DAPK1: variants seen among roughly 807,000 people sequenced by gnomAD.
DAPK1 encodes the protein death associated protein kinase 1.
In DAPK1, 56 loss-of-function variants were observed where a neutral mutation model predicts 144.9. The ratio of observed to expected loss-of-function variants is 0.39; its 90% CI spans 0.31 to 0.48. DAPK1 has a LOEUF of 0.48. Ranked by LOEUF, DAPK1 falls within the 20% of genes least tolerant of loss-of-function variation. The pLI is 0.95. For missense variants in DAPK1, 1,454 were observed against 1,875.4 expected (o/e 0.78, Z 4.15); for synonymous variants, 690 against 749.0 (o/e 0.92, Z 1.29).
intron 3 of DAPK1, among the ~76,000 whole-genome samples, chr9:87,629,308 G>T (rs1829585704): frequency 6.6e-6 from 1 of 152,172 alleles, no homozygotes; most frequent in Non-Finnish European, 1.5e-5. Flanking sequence ...ACAAGCCCAG[G>T]AGCACAGAGA....
At chr9:87,623,100 A>G (rs370443177) in intron 3 of DAPK1, among the ~76,000 whole-genome samples, 273 of 152,140 alleles carry the variant, frequency 1.8e-3, no homozygotes, top group South Asian at 2.3e-3. Context: ...TGAAAGCACA[A>G]TTGTTTATTA....
intron 19 of DAPK1, among the ~76,000 whole-genome samples, chr9:87,669,396 ATC>A (rs2119280103): frequency 6.6e-6 from 1 of 152,130 alleles, no homozygotes; most frequent in East Asian, 1.9e-4. Flanking sequence ...ATAGGTAATA[ATC>A]TCTACTATGT....
Position 87,671,695 on chromosome 9 carries a change from A to G in DAPK1, c.2001+3021A>G, listed in dbSNP as rs36217075. Among the ~76,000 whole-genome samples the G allele has an allele frequency of 7.4e-3, 1,120 of 152,234 alleles. 30 individuals are homozygous for G. In the East Asian group the frequency reaches 0.076, roughly 10 times the overall value. Reference sequence around the variant, plus strand: ...CACCTGGCTAATTTTTAACATTTGTATTAGCAACTATGTCTCAATACATTG... The same window carrying G: ...CACCTGGCTAATTTTTAACATTTGTGTTAGCAACTATGTCTCAATACATTG... On this transcript the variant is annotated intron_variant, in intron 19 of 25. Coordinates refer to ENST00000408954, the MANE Select transcript of DAPK1 (RefSeq NM_004938.4).
At chr9:87,548,645 T>C (rs1020303661) in intron 2 of DAPK1, among the ~76,000 whole-genome samples, 3 of 152,144 alleles carry the variant, frequency 2.0e-5, no homozygotes, top group Admixed American at 2.0e-4. Context: ...GTTATTATTT[T>C]GTATCTTTTC....
chr9:87,559,534 T>C (rs1826833292), intron 2 of DAPK1, among the ~76,000 whole-genome samples: 1 of 152,194 alleles, frequency 6.6e-6, no homozygotes, highest in South Asian at 2.1e-4. Context: ...CCGTGACTAG[T>C]AGCTACTGTG....
At chr9:87,662,006 G>A (rs976693866) in intron 18 of DAPK1, among the ~76,000 whole-genome samples, 6 of 152,144 alleles carry the variant, frequency 3.9e-5, no homozygotes, top group African/African-American at 1.2e-4. Context: ...TGCAAATGGT[G>A]AGAGAGAAGG....
chr9:87,558,643 T>C (rs954312250), intron 2 of DAPK1, among the ~76,000 whole-genome samples: 2 of 152,218 alleles, frequency 1.3e-5, no homozygotes, highest in Admixed American at 1.3e-4. Context: ...TTGTGACTTG[T>C]CATTGCAGGG....
chr9:87,521,689 T>C (rs1825304096), intron 2 of DAPK1, among the ~76,000 whole-genome samples: 1 of 152,236 alleles, frequency 6.6e-6, no homozygotes, highest in South Asian at 2.1e-4. Context: ...TTTGGCAATT[T>C]TATTCCCCAT....
intron 3 of DAPK1, among the ~76,000 whole-genome samples, chr9:87,624,427 A>G (rs1223323351): frequency 6.6e-6 from 1 of 152,234 alleles, no homozygotes; most frequent in Admixed American, 6.5e-5. Flanking sequence ...CCAGTCTCTT[A>G]AAACCTGGAT....
chr9:87,637,744 AGTGCTTTCAAGCACAAAT>A (rs1331655528), intron 3 of DAPK1, among the ~76,000 whole-genome samples, 181 bp from the exon 4 acceptor site: 1 of 152,224 alleles, frequency 6.6e-6, no homozygotes, highest in Non-Finnish European at 1.5e-5. Context: ...ATGGTTCCCA[AGTGCTTTCAAGCACAAAT>A]GTGTCTGAAT....
At chr9:87,681,819 C>T in intron 20 of DAPK1, 193 bp downstream of exon 20, 2 of 605,456 alleles carry the variant, frequency 3.3e-6, no homozygotes, top group South Asian at 1.9e-5. Flanking sequence ...CAGTAACAGA[C>T]TGACTTGGCA....
chr9:87,642,763 A>G (rs947328631), intron 10 of DAPK1, among the ~76,000 whole-genome samples: 1 of 152,220 alleles, frequency 6.6e-6, no homozygotes, highest in Admixed American at 6.5e-5. Flanking sequence ...GGAAGACCAC[A>G]GCACTAGATT....
At chr9:87,647,180 C>A in intron 13 of DAPK1, 125 bp from the exon 14 acceptor site, 1 of 771,480 alleles carries the variant, frequency 1.3e-6, no homozygotes, top group Non-Finnish European at 2.3e-6. Flanking sequence ...TTTTATTCCT[C>A]TGGGAAGTTG....
chr9:87,661,439 C>A (rs1480428398), intron 18 of DAPK1, among the ~76,000 whole-genome samples: 2 of 152,176 alleles, frequency 1.3e-5, no homozygotes, highest in African/African-American at 4.8e-5. Flanking sequence ...ACATACCCAC[C>A]AACAATGTAT....
At chr9:87,565,106 A>G (rs1827067794) in intron 2 of DAPK1, among the ~76,000 whole-genome samples, 1 of 152,186 alleles carries the variant, frequency 6.6e-6, no homozygotes, top group Non-Finnish European at 1.5e-5. Flanking sequence ...CTTTTCACAC[A>G]GAAGCTCAAA....
chr9:87,696,030 CATT>C (rs1435502574), intron 21 of DAPK1, among the ~76,000 whole-genome samples: 1 of 152,110 alleles, frequency 6.6e-6, no homozygotes, highest in Non-Finnish European at 1.5e-5. Flanking sequence ...ACAACCGTGT[CATT>C]ATTATTATGG....
chr9:87,685,407 G>A (rs1824803943), intron 20 of DAPK1, among the ~76,000 whole-genome samples: 1 of 152,214 alleles, frequency 6.6e-6, no homozygotes, highest in Admixed American at 6.5e-5. Flanking sequence ...ATACCCAGGT[G>A]AAATGGTCAC....
chr9:87,682,073 A>G (rs1050593319), intron 20 of DAPK1, among the ~76,000 whole-genome samples: 2 of 152,190 alleles, frequency 1.3e-5, no homozygotes, highest in Non-Finnish European at 2.9e-5. Flanking sequence ...CTGGAGTGCT[A>G]CAGGCAGACC....
chr9:87,592,974 G>A (rs72747844), intron 2 of DAPK1, among the ~76,000 whole-genome samples: 1 of 152,160 alleles, frequency 6.6e-6, no homozygotes, highest in Non-Finnish European at 1.5e-5. Context: ...CAGATCTGTA[G>A]ACATCATGGG....
Sources: gnomAD v4.1 joint callset for allele counts (sites outside exome capture counted in the v4.1 genomes callset) on GRCh38, gnomAD v4.1.1 for gene constraint, MANE v1.5 for transcripts, NCBI Gene and HGNC (gene_info 2026-07-23, HGNC 2026-07-21) for gene names.